Variants in BBS9 observed in about 807,000 individuals in gnomAD.
BBS9 encodes Bardet-Biedl syndrome 9.
In BBS9, 89 loss-of-function variants were observed where a neutral mutation model predicts 117.7. The observed-to-expected ratio is 0.76, with a 90% CI of 0.64 to 0.90. The LOEUF (loss-of-function observed/expected upper bound fraction) is 0.90. Among genes scored for constraint, BBS9 ranks in the 40% least tolerant of loss-of-function variants. The pLI, the probability that BBS9 is intolerant of heterozygous loss-of-function variation, is 0.00. For synonymous variants in BBS9, 379 were observed against 370.9 expected (o/e 1.02, Z -0.25); for missense variants, 982 against 1,042.2 (o/e 0.94, Z 0.80).
chr7:33,322,967 T>A (rs567363723), intron 9 of BBS9, among the ~76,000 whole-genome samples: 1 of 152,296 alleles, frequency 6.6e-6, no homozygotes, highest in Admixed American at 6.5e-5. Context: ...AAATTTTCAA[T>A]TTCCTTTTAA....
At chr7:33,171,721 A>G (rs112524237) in intron 4 of BBS9, among the ~76,000 whole-genome samples, 5 of 152,294 alleles carry the variant, frequency 3.3e-5, no homozygotes, top group Admixed American at 1.3e-4. Flanking sequence ...TAATGTTTCA[A>G]TATTTTAACT....
downstream of BBS9, chr7:33,606,176 C>G (rs146798049): frequency 2.6e-5 from 4 of 152,042 alleles, no homozygotes; most frequent in African/African-American, 4.8e-5. Flanking sequence ...GTAGCATCCT[C>G]TTTTAGGAGA....
At position 33,273,915 on chromosome 7, in the gene BBS9, A is replaced by T. The variant is rs772777644; in HGVS notation, c.975A>T (p.Gln325His). 1 of 1,613,636 alleles carries T rather than the reference A, an allele frequency of 6.2e-7. No homozygotes were observed. Among genetic ancestry groups the T allele is most frequent in the South Asian group, 1.1e-5 (1 of 91,070 alleles). The change falls in exon 9 of 23, where the codon CAA becomes CAT. Residue 325 changes from glutamine to histidine, a missense_variant. By Grantham distance (24) the Gln-to-His change is conservative (BLOSUM62 0). Transcript: ENST00000242067. Reference sequence around the variant, plus strand: ...ATGTGACACTGAAGTGGGCCACCCAACTTCCCCACATTCCTGTAGCAGTAA... The same window carrying T: ...ATGTGACACTGAAGTGGGCCACCCATCTTCCCCACATTCCTGTAGCAGTAA... Reference protein sequence around the residue: ...YQDVTLKWATQLPHIPVAVRV... With the variant: ...YQDVTLKWATHLPHIPVAVRV...
chr7:33,368,847 T>G (rs1822319247), intron 17 of BBS9, among the ~76,000 whole-genome samples: 1 of 152,128 alleles, frequency 6.6e-6, no homozygotes, highest in Non-Finnish European at 1.5e-5. Context: ...GCTAAAATCA[T>G]AATAGTTTCT....
intron 19 of BBS9, among the ~76,000 whole-genome samples, chr7:33,429,673 A>AT (rs1834155167): frequency 6.6e-6 from 1 of 151,734 alleles, no homozygotes; most frequent in African/African-American, 2.4e-5. Flanking sequence ...AAATTTATTT[A>AT]TTTATTTTTT....
intron 5 of BBS9, among the ~76,000 whole-genome samples, chr7:33,229,259 A>G (rs1791866625): frequency 1.3e-5 from 2 of 152,090 alleles, no homozygotes; most frequent in Admixed American, 1.3e-4. Flanking sequence ...TATTATCTAT[A>G]GTCTTCATGT....
chr7:33,500,781 A>G lies in BBS9; in HGVS notation c.2116-4682A>G, dbSNP rs189224167. ...CTGTTGCTGCTGCTGCTTTCCTGTAACCAATTTTAGAGCCTATCTTGGCAG... is the reference window on the plus strand; with the variant it reads ...CTGTTGCTGCTGCTGCTTTCCTGTAGCCAATTTTAGAGCCTATCTTGGCAG... On this transcript the variant is annotated intron_variant, in intron 19 of 22. Transcript: ENST00000242067. Among the ~76,000 whole-genome samples the G allele has an allele frequency of 3.0e-3, 451 of 152,272 alleles. 2 individuals are homozygous for G. Among genetic ancestry groups the G allele is most frequent in the Non-Finnish European group, 4.2e-3 (285 of 68,014 alleles).
chr7:33,237,260 A>G (rs1159070862), intron 5 of BBS9, among the ~76,000 whole-genome samples: 1 of 152,190 alleles, frequency 6.6e-6, no homozygotes, highest in Non-Finnish European at 1.5e-5. Flanking sequence ...GTCACTCTGT[A>G]TATTAGCTTG....
chr7:33,553,157 G>A (rs1854719905), intron 21 of BBS9, among the ~76,000 whole-genome samples: 1 of 152,200 alleles, frequency 6.6e-6, no homozygotes, highest in Non-Finnish European at 1.5e-5. Flanking sequence ...TTTTCTGTAA[G>A]ATGTCTTCTG....
chr7:33,179,180 C>G (rs902151904), intron 5 of BBS9, among the ~76,000 whole-genome samples: 2 of 152,138 alleles, frequency 1.3e-5, no homozygotes, highest in East Asian at 3.8e-4. Flanking sequence ...TTACTAAATT[C>G]CATACATCAT....
At chr7:33,522,250 G>A (rs1256930074) in intron 20 of BBS9, among the ~76,000 whole-genome samples, 1 of 151,992 alleles carries the variant, frequency 6.6e-6, no homozygotes, top group Non-Finnish European at 1.5e-5. Flanking sequence ...ATAGTCCTTT[G>A]GGTATATACC....
At chr7:33,209,683 A>T (rs2128223330) in intron 5 of BBS9, among the ~76,000 whole-genome samples, 2 of 152,292 alleles carry the variant, frequency 1.3e-5, no homozygotes, top group South Asian at 4.1e-4. Context: ...ATTGGCATAT[A>T]GTTGCTCATA....
rs2129207675 is a variant in BBS9 at position 33,604,877 on chromosome 7, C to G, written c.2534C>G (p.Thr845Arg). 1.9e-6 allele frequency: 3 copies of G among 1,611,598 alleles called. No individual in the cohort carries two copies. The highest frequency in any genetic ancestry group is 2.5e-6 in the Non-Finnish European group (3 of 1,177,962). The stretch of plus-strand genomic sequence containing the variant: ...ATTTTTCAACTAGGTGGTTGTACTA[C>G]AATCCCAGAGTCAGACCTAGAAGAA... ...QTMVMPGGCT[T>R]IPESDLEERS... Residue 845 changes from threonine to arginine, a missense_variant, in exon 22 of 23, where the codon ACA becomes AGA. By Grantham distance (71) the Thr-to-Arg change is moderately conservative. Transcript: ENST00000242067.
At chr7:33,567,680 T>C (rs1185252077) in intron 21 of BBS9, among the ~76,000 whole-genome samples, 1 of 152,170 alleles carries the variant, frequency 6.6e-6, no homozygotes, top group Non-Finnish European at 1.5e-5. Context: ...CCAGGTCTTC[T>C]CTCCCAAGCT....
At chr7:33,593,906 A>G (rs2129183301) in intron 21 of BBS9, among the ~76,000 whole-genome samples, 1 of 152,280 alleles carries the variant, frequency 6.6e-6, no homozygotes, top group East Asian at 1.9e-4. Flanking sequence ...CATTGTGTTT[A>G]CATAATTATC....
intron 21 of BBS9, among the ~76,000 whole-genome samples, chr7:33,627,394 C>T (rs12531568): frequency 0.058 from 8,765 of 152,300 alleles, 822 homozygotes; most frequent in East Asian, 0.31. Flanking sequence ...TTATGGAGAA[C>T]CTCTACTAGG....
intron 19 of BBS9, among the ~76,000 whole-genome samples, chr7:33,470,369 A>G (rs571485583): frequency 6.6e-6 from 1 of 151,592 alleles, no homozygotes; most frequent in African/African-American, 2.4e-5. Flanking sequence ...TTTATTTTTT[A>G]AAAAAATCAC....
At chr7:33,594,156 C>T (rs1862354684) in intron 21 of BBS9, among the ~76,000 whole-genome samples, 2 of 152,122 alleles carry the variant, frequency 1.3e-5, no homozygotes, top group Admixed American at 1.3e-4. Context: ...TGTTGAGACA[C>T]ATGCTGGACC....
chr7:33,504,623 G>A (rs1235237072), intron 19 of BBS9, among the ~76,000 whole-genome samples: 1 of 152,066 alleles, frequency 6.6e-6, no homozygotes. Context: ...CAGACGCCTT[G>A]AGCCTCTGCG....
Sources: gnomAD v4.1 joint callset for allele counts (sites outside exome capture counted in the v4.1 genomes callset) on GRCh38, gnomAD v4.1.1 for gene constraint, MANE v1.5 for transcripts, NCBI Gene and HGNC (gene_info 2026-07-23, HGNC 2026-07-21) for gene names.